Variants in DNAJC21 observed in about 807,000 individuals in gnomAD.
The protein encoded by DNAJC21 is dnaJ homolog subfamily C member 21.
A neutral mutation model predicts 72.4 loss-of-function variants in DNAJC21; 63 were observed. That is an observed-to-expected ratio of 0.87 (90% CI 0.71 to 1.07). The LOEUF (loss-of-function observed/expected upper bound fraction) is 1.07. DNAJC21 is among the 50% of genes least tolerant of loss of function. The pLI, the probability that DNAJC21 is intolerant of heterozygous loss-of-function variation, is 0.00. For missense variants in DNAJC21, 634 were observed against 644.8 expected (o/e 0.98, Z 0.18); for synonymous variants, 203 against 216.7 (o/e 0.94, Z 0.56).
rs1765477295 is a variant in DNAJC21, at chr5:34,954,560, T to A, written c.1442T>A (p.Leu481His). 6.2e-7 allele frequency: 1 copy of A among 1,608,906 alleles called. No individual in the cohort carries two copies. The highest frequency in any genetic ancestry group is 8.5e-7 in the Non-Finnish European group (1 of 1,178,410). Residue 481 changes from leucine to histidine, a missense_variant, in exon 12 of 12, where the codon CTT (leucine) becomes CAT (histidine). Leu to His is a moderately conservative substitution (Grantham distance 99). Transcript: ENST00000648817. ...ATTTTTTGCCCTTCTCAGAGTGTTC[T>A]TATCAGCTGTACAACCTGCCATAGT... ...VPAEPQTMSVLISCTTCHSEF... is the reference protein window; with the variant it reads ...VPAEPQTMSVHISCTTCHSEF...
chr5:34,942,253 T>C (rs914215440), intron 7 of DNAJC21, among the ~76,000 whole-genome samples: 5 of 152,128 alleles, frequency 3.3e-5, no homozygotes, highest in Non-Finnish European at 5.9e-5. Context: ...CAGAGTATCT[T>C]TGCTGAAGTG....
intron 7 of DNAJC21, 100 bp from the exon 8 acceptor site, chr5:34,944,767 G>A: frequency 6.6e-7 from 1 of 1,526,100 alleles, no homozygotes. Context: ...TGCTTAGTGG[G>A]AAAAAAGCTA....
chr5:34,940,743 T>G (rs1421495823), intron 6 of DNAJC21, among the ~76,000 whole-genome samples: 4 of 152,380 alleles, frequency 2.6e-5, no homozygotes, highest in Admixed American at 2.6e-4. Context: ...TAAATGTGTT[T>G]GGACCAAATC....
At chr5:34,946,635 G>A (rs1161272485) in intron 9 of DNAJC21, among the ~76,000 whole-genome samples, 2 of 152,010 alleles carry the variant, frequency 1.3e-5, no homozygotes, top group Non-Finnish European at 2.9e-5. Flanking sequence ...GGAACTTTTT[G>A]CTTCAGTTAT....
chr5:34,937,615 A>C lies in DNAJC21; in HGVS notation c.728A>C (p.Lys243Thr). ...RKAEEMRRQQKLKQAKLVEQY... is the reference protein window; with the variant it reads ...RKAEEMRRQQTLKQAKLVEQY... ...GCCGAAGAGATGAGGCGGCAGCAGA[A>C]GCTAAAGCAGGCCAAGTGCGTAGCG... is the stretch of plus-strand genomic sequence containing the variant. The change falls in exon 5 of 12, where the codon AAG becomes ACG. Residue 243 changes from lysine to threonine, a missense_variant. Transcript: ENST00000648817. The C allele has an allele frequency of 6.2e-7, 1 of 1,612,474 alleles. No homozygotes were observed. Among genetic ancestry groups the C allele is most frequent in the African/African-American group, 1.3e-5 (1 of 74,928 alleles).
intron 7 of DNAJC21, 21 bp from the exon 8 acceptor site, chr5:34,944,846 C>G: frequency 1.2e-6 from 2 of 1,613,426 alleles, no homozygotes. Context: ...CGCAGCTGCT[C>G]ACGTCAGATT....
At position 34,945,977 on chromosome 5, in the gene DNAJC21, C is replaced by A. The variant is rs190679292; in HGVS notation, c.1185+174C>A. Among the ~76,000 whole-genome samples, 367 of 152,270 alleles carry A rather than the reference C, an allele frequency of 2.4e-3. 2 individuals carry two copies. The highest frequency in any genetic ancestry group is 8.5e-3 in the African/African-American group (353 of 41,574). On this transcript the variant is annotated intron_variant, in intron 9 of 11. Coordinates refer to ENST00000648817, the MANE Select transcript of DNAJC21 (RefSeq NM_001012339.3). ...TTTTCCTTTTTTAGTGCTTCCCCCCCCTTGTATGTATGTAATAACAAACTT... is the reference window on the plus strand; with the variant it reads ...TTTTCCTTTTTTAGTGCTTCCCCCCACTTGTATGTATGTAATAACAAACTT...
At chr5:34,946,888 G>C (rs1056286399) in intron 9 of DNAJC21, among the ~76,000 whole-genome samples, 1 of 152,092 alleles carries the variant, frequency 6.6e-6, no homozygotes, top group African/African-American at 2.4e-5. Flanking sequence ...TTTTCTTACT[G>C]ATGAAAATGC....
chr5:34,931,964 A>G (rs967769785), intron 1 of DNAJC21, among the ~76,000 whole-genome samples: 6 of 152,336 alleles, frequency 3.9e-5, no homozygotes, highest in East Asian at 1.9e-4. Context: ...TCTAAATATC[A>G]TCATAATTTA....
chr5:34,939,064 TCTC>T (rs1764897456), intron 6 of DNAJC21, 55 bp downstream of exon 6: 1 of 1,424,122 alleles, frequency 7.0e-7, no homozygotes, highest in Non-Finnish European at 9.3e-7. Flanking sequence ...AAGCTGGAAA[TCTC>T]CTTGCTTATT....
At chr5:34,950,808 G>A in intron 10 of DNAJC21, 4 of 986,636 alleles carry the variant, frequency 4.1e-6, no homozygotes, top group Non-Finnish European at 4.8e-6. Context: ...TGGACTCTTG[G>A]TGCTGCACAA....
chr5:34,944,748 G>C (rs1051629049), intron 7 of DNAJC21, 119 bp from the exon 8 acceptor site: 1 of 1,317,212 alleles, frequency 7.6e-7, no homozygotes. Flanking sequence ...AATAGAATCA[G>C]AAACGTTTTG....
intron 3 of DNAJC21, 46 bp from the exon 4 acceptor site, chr5:34,936,098 C>G (rs1232737757): frequency 1.3e-6 from 2 of 1,566,650 alleles, no homozygotes; most frequent in Non-Finnish European, 1.7e-6. Flanking sequence ...TTTCTGTGAT[C>G]AGGCTGCAAA....
At chr5:34,949,893 TGTAA>T (rs1394060295) in intron 9 of DNAJC21, among the ~76,000 whole-genome samples, 5 of 152,246 alleles carry the variant, frequency 3.3e-5, no homozygotes, top group African/African-American at 7.2e-5. Context: ...GCTAATATGT[TGTAA>T]GTATTTTTTC....
chr5:34,935,681 T>G (rs755757506), intron 2 of DNAJC21, 29 bp from the exon 3 acceptor site: 28 of 1,613,292 alleles, frequency 1.7e-5, no homozygotes, highest in Non-Finnish European at 2.4e-5. Flanking sequence ...TATTCAGCCT[T>G]CACAATGATG....
At chr5:34,951,319 T>C (rs565172099) in intron 10 of DNAJC21, 1 of 985,372 alleles carries the variant, frequency 1.0e-6, no homozygotes, top group African/African-American at 1.7e-5. Flanking sequence ...GAAACTGAAT[T>C]TCAGGTTAAT....
intron 1 of DNAJC21, among the ~76,000 whole-genome samples, chr5:34,931,786 G>A (rs1223874008): frequency 1.3e-5 from 2 of 152,152 alleles, no homozygotes; most frequent in Non-Finnish European, 2.9e-5. Context: ...CAGGCTTGGG[G>A]TCAGCGGGAG....
intron 1 of DNAJC21, among the ~76,000 whole-genome samples, chr5:34,930,714 A>G (rs1764562555): frequency 1.3e-5 from 2 of 152,230 alleles, no homozygotes; most frequent in African/African-American, 4.8e-5. Context: ...TCATATTAGC[A>G]TTCATCAGTA....
chr5:34,935,623 A>G, intron 2 of DNAJC21, 87 bp from the exon 3 acceptor site: 6 of 1,558,318 alleles, frequency 3.9e-6, no homozygotes, highest in Non-Finnish European at 5.2e-6. Flanking sequence ...CCAAAAATGT[A>G]CAATAATAAT....
Sources: gnomAD v4.1 joint callset for allele counts (sites outside exome capture counted in the v4.1 genomes callset) on GRCh38, gnomAD v4.1.1 for gene constraint, MANE v1.5 for transcripts, NCBI Gene and HGNC (gene_info 2026-07-23, HGNC 2026-07-21) for gene names.